Variants in RHOT1 observed in about 807,000 individuals in gnomAD.
The protein encoded by RHOT1 is ras homolog family member T1, also known as mitochondrial Rho GTPase 1.
Under a neutral mutation model 95.3 loss-of-function variants are expected in RHOT1, and 27 were observed. That is an observed-to-expected ratio of 0.28 (90% confidence interval 0.21 to 0.39). The LOEUF (loss-of-function observed/expected upper bound fraction) is 0.39. RHOT1 is among the 10% of genes least tolerant of loss of function. The probability of loss-of-function intolerance (pLI) is 1.00; values close to 1 mark genes in which losing one functional copy is unlikely to be tolerated. For synonymous variants in RHOT1, 227 were observed against 263.5 expected (o/e 0.86, Z 1.34); for missense variants, 578 against 786.7 (o/e 0.73, Z 3.17).
intron 8 of RHOT1, among the ~76,000 whole-genome samples, chr17:32,190,702 C>G (rs903592820): frequency 6.6e-6 from 1 of 152,134 alleles, no homozygotes; most frequent in South Asian, 2.1e-4. Context: ...TTTATAGAAG[C>G]ATTATCTTAC....
At position 32,197,733 on chromosome 17, in the gene RHOT1, C is replaced by T. The variant is rs554021599; in HGVS notation, c.870-1214C>T. ...GTGAGCCACCGTGCCTGGCCACACC[C>T]GGCTAATTTTCATATTTTTAGTAGA... On this transcript the variant is annotated intron_variant, in intron 11 of 19. Coordinates refer to ENST00000545287, the MANE Select transcript of RHOT1 (RefSeq NM_001033566.3). 1.2e-4 allele frequency among the ~76,000 whole-genome samples: 18 copies of T among 151,706 alleles called. No homozygotes were observed. The South Asian group carries it at 2.1e-3, about 18-fold the overall frequency.
At chr17:32,156,780 T>C (rs200374064) in intron 1 of RHOT1, among the ~76,000 whole-genome samples, 3 of 152,404 alleles carry the variant, frequency 2.0e-5, no homozygotes, top group East Asian at 1.9e-4. Flanking sequence ...AAAAGCCGGT[T>C]CCTGAATCCA....
At chr17:32,149,611 ATATATATATATATATATATATATATG>A (rs1476310408) in intron 1 of RHOT1, among the ~76,000 whole-genome samples, 12 of 85,874 alleles carry the variant, frequency 1.4e-4, no homozygotes, top group Admixed American at 9.8e-4. Context: ...ATATATATAT[ATATATATATATATATATATATATATG>A]TGTGTGTGTG....
chr17:32,203,143 G>A (rs1022226585), intron 15 of RHOT1, among the ~76,000 whole-genome samples: 1 of 151,748 alleles, frequency 6.6e-6, no homozygotes, highest in African/African-American at 2.4e-5. Context: ...AGATGTGAAA[G>A]CACCTAACAC....
rs373138081 is a variant in RHOT1, at chr17:32,170,528, A to G, written c.38-515A>G. Among the ~76,000 whole-genome samples, 60 of 152,354 alleles carry G rather than the reference A, an allele frequency of 3.9e-4. 1 individual carries two copies. In the South Asian group the frequency reaches 0.012, roughly 30 times the overall value. On this transcript the variant is annotated intron_variant, in intron 1 of 19. Coordinates refer to ENST00000545287, the MANE Select transcript of RHOT1 (RefSeq NM_001033566.3). ...TATTTTAACTGTAAGTATACAATTC[A>G]GCAGCATTAAATTTATTCATAATGT...
At chr17:32,163,411 TTTC>T (rs542387893) in intron 1 of RHOT1, among the ~76,000 whole-genome samples, 171 of 152,336 alleles carry the variant, frequency 1.1e-3, no homozygotes, top group Non-Finnish European at 2.0e-3. Flanking sequence ...TTTTAAAATT[TTTC>T]TTTTTATCCA....
In RHOT1 at chr17:32,173,719, AAAAAG is replaced by A. The variant is rs1321447386; in HGVS notation, c.97-103_97-99del. On this transcript the variant is annotated intron_variant, in intron 2 of 19. Transcript: ENST00000545287. ...TAGAGTGAGACTCCATTAAAAAAAA[AAAAAG>A]AAAAGAAACACTCAACCTGTGTAGA... 2.2e-4 allele frequency: 169 copies of A among 775,624 alleles called. No individual in the cohort carries two copies. In the South Asian group the frequency reaches 2.6e-3, roughly 12 times the overall value. The allele number at this position is 775,624 out of a possible 1,614,324, so 48.0% of individuals were successfully genotyped here.
At chr17:32,148,423 T>C (rs1317349247) in intron 1 of RHOT1, among the ~76,000 whole-genome samples, 2 of 152,270 alleles carry the variant, frequency 1.3e-5, no homozygotes, top group Non-Finnish European at 2.9e-5. Context: ...TACAGAGTCC[T>C]TTCTATAACA....
chr17:32,195,341 T>C (rs1481329554), intron 11 of RHOT1, among the ~76,000 whole-genome samples: 3 of 152,136 alleles, frequency 2.0e-5, no homozygotes, highest in African/African-American at 4.8e-5. Flanking sequence ...CTTGAACTCC[T>C]GGCCTCAAAT....
At chr17:32,193,738 A>G (rs1200407823) in intron 10 of RHOT1, among the ~76,000 whole-genome samples, 1 of 152,226 alleles carries the variant, frequency 6.6e-6, no homozygotes. Flanking sequence ...TGTGCATGTC[A>G]GTATATTCCT....
chr17:32,204,947 C>T (rs1480678049), intron 16 of RHOT1, among the ~76,000 whole-genome samples: 1 of 150,338 alleles, frequency 6.7e-6, no homozygotes, highest in Non-Finnish European at 1.5e-5. Context: ...TGTGCCACTG[C>T]ACTCCAGCCT....
At chr17:32,173,795 G>T in intron 2 of RHOT1, 36 bp from the exon 3 acceptor site, 1 of 1,316,106 alleles carries the variant, frequency 7.6e-7, no homozygotes, top group Non-Finnish European at 1.1e-6. Flanking sequence ...ATATTCAAAG[G>T]TGTTTTTTTT....
chr17:32,185,673 G>T (rs539949877), intron 8 of RHOT1, among the ~76,000 whole-genome samples: 57 of 147,974 alleles, frequency 3.9e-4, no homozygotes, highest in Non-Finnish European at 7.6e-4. Context: ...CTCCCAAAGT[G>T]TTGGGATTAC....
Position 32,201,020 on chromosome 17 carries a change from T to C in RHOT1, c.1165T>C (p.Leu389=), listed in dbSNP as rs566040717. The change falls in exon 14 of 20, where the codon TTG becomes CTG. Residue 389 remains leucine, a synonymous_variant. Transcript: ENST00000545287. ...EYLGYLGYSI[L]TEQESQASAV... ...TTTGGGCTATCTAGGCTATTCAATA[T>C]TGACTGAGCAAGAGTCTCAAGCTTC... 1 of 1,611,734 alleles carries C rather than the reference T, an allele frequency of 6.2e-7. No individual in the cohort carries two copies. Among genetic ancestry groups the C allele is most frequent in the Non-Finnish European group, 8.5e-7 (1 of 1,178,682 alleles).
intron 1 of RHOT1, among the ~76,000 whole-genome samples, chr17:32,149,623 A>ATGTGTGTGTGTG (rs1304218827): frequency 3.9e-4 from 34 of 86,180 alleles, no homozygotes; most frequent in African/African-American, 1.6e-3. Context: ...ATATATATAT[A>ATGTGTGTGTGTG]TATATATATA....
At chr17:32,202,943 A>G (rs1349203028) in intron 15 of RHOT1, 43 bp downstream of exon 15, 5 of 1,585,546 alleles carry the variant, frequency 3.2e-6, no homozygotes, top group East Asian at 2.2e-5. Context: ...ACAAATTTTT[A>G]TAGTTACTAG....
intron 1 of RHOT1, among the ~76,000 whole-genome samples, chr17:32,154,641 C>G (rs2032742799): frequency 6.6e-6 from 1 of 150,472 alleles, no homozygotes; most frequent in South Asian, 2.1e-4. Context: ...GCTTGTAAAC[C>G]TGGCACTTTG....
At chr17:32,196,928 C>G (rs1207029756) in intron 11 of RHOT1, among the ~76,000 whole-genome samples, 1 of 151,946 alleles carries the variant, frequency 6.6e-6, no homozygotes, top group Non-Finnish European at 1.5e-5. Flanking sequence ...TCGAGACCAG[C>G]CTGGCCAACA....
intron 1 of RHOT1, among the ~76,000 whole-genome samples, chr17:32,158,510 G>A (rs2033198367): frequency 1.3e-5 from 2 of 151,876 alleles, no homozygotes; most frequent in Admixed American, 6.6e-5. Flanking sequence ...GCTGGAGTGC[G>A]GTGGCGCCAT....
Sources: allele counts gnomAD v4.1 joint callset (sites outside exome capture counted in the v4.1 genomes callset), GRCh38; gene constraint gnomAD v4.1.1; transcripts MANE v1.5; gene names NCBI Gene and HGNC (gene_info 2026-07-23, HGNC 2026-07-21).